ZNF423: variants seen among roughly 807,000 people sequenced by gnomAD.
ZNF423 encodes Ebf-associated zinc finger protein.
A neutral mutation model predicts 95.8 loss-of-function variants in ZNF423; 12 were observed. That is an observed-to-expected ratio of 0.13 (90% CI 0.08 to 0.20). ZNF423 has a LOEUF of 0.20. ZNF423 is among the 10% of genes least tolerant of loss of function. ZNF423 has a pLI of 1.00. For missense variants in ZNF423, 1,316 were observed against 1,737.1 expected (o/e 0.76, Z 4.31); for synonymous variants, 749 against 711.9 (o/e 1.05, Z -0.83).
At position 49,488,011 on chromosome 16, in the gene ZNF423, G is replaced by C. The variant is rs1489203623; in HGVS notation, c.*3264C>G. The C allele has an allele frequency of 3.3e-5, 5 of 152,230 alleles. No homozygotes were observed. Among genetic ancestry groups the C allele is most frequent in the Middle Eastern group, 3.2e-3 (1 of 316 alleles). The allele number at this position is 152,230 out of a possible 1,614,324, so 9.4% of individuals were successfully genotyped here. A position where few individuals can be genotyped will look rare whatever the true frequency, so the allele number is the denominator to read the frequency against. ...TGCCACTGTGGCCTCCATGAGGCCA[G>C]GGACCACATCTGCTGGTCATCTCCT... On this transcript the variant is annotated 3_prime_UTR_variant, in exon 8 of 8. Transcript: ENST00000563137.
rs925883312 is a variant in ZNF423 at position 49,488,552 on chromosome 16, A to C, written c.*2723T>G. On this transcript the variant is annotated 3_prime_UTR_variant, in exon 8 of 8. Transcript: ENST00000563137. The stretch of plus-strand genomic sequence containing the variant: ...GATTCCATCGCGCCCTCCTGGCTGA[A>C]AAGGTGCCCTCCTGCAGGATGCCTG... The C allele has an allele frequency of 1.3e-5, 2 of 152,224 alleles. No individual in the cohort carries two copies. The highest frequency in any genetic ancestry group is 2.9e-5 in the Non-Finnish European group (2 of 68,066). 9.4% of individuals were successfully genotyped at this position (152,224 alleles called of 1,614,324 possible). A position where few individuals can be genotyped will look rare whatever the true frequency, so the allele number is the denominator to read the frequency against.
At chr16:49,664,633 C>G (rs1346775632) in intron 3 of ZNF423, among the ~76,000 whole-genome samples, 1 of 126,788 alleles carries the variant, frequency 7.9e-6, no homozygotes, top group Non-Finnish European at 1.6e-5. Flanking sequence ...TCTGCCAGGA[C>G]AGGGTGGGGG....
intron 1 of ZNF423, among the ~76,000 whole-genome samples, chr16:49,794,864 T>A (rs1426111471): frequency 6.6e-6 from 1 of 152,138 alleles, no homozygotes; most frequent in Non-Finnish European, 1.5e-5. Context: ...TAGTAGCAGG[T>A]GCTCAACAAA....
Position 49,651,596 on chromosome 16 carries a change from G to C in ZNF423, c.302-12722C>G, listed in dbSNP as rs550106317. ...GACCTTAGCCAAGTGAATGACCCTT[G>C]CTCAATTTTACAGATGGAGAAACCT... is the stretch of plus-strand genomic sequence containing the variant. On this transcript the variant is annotated intron_variant, in intron 3 of 7. Coordinates refer to ENST00000563137, the MANE Select transcript of ZNF423 (RefSeq NM_001379286.1). 5.9e-5 allele frequency among the ~76,000 whole-genome samples: 9 copies of C among 152,278 alleles called. No individual in the cohort carries two copies. In the South Asian group the frequency reaches 1.0e-3, roughly 18 times the overall value.
At chr16:49,618,269 T>C (rs1347310642) in intron 5 of ZNF423, among the ~76,000 whole-genome samples, 2 of 152,216 alleles carry the variant, frequency 1.3e-5, no homozygotes, top group East Asian at 3.8e-4. Flanking sequence ...TGAAGTGTGA[T>C]AACACCTGCA....
chr16:49,853,996 G>A (rs552937926), intron 1 of ZNF423: 3 of 985,408 alleles, frequency 3.0e-6, no homozygotes, highest in Admixed American at 6.1e-5. Flanking sequence ...GGCTCCTGAA[G>A]GAGTGAGCAG....
rs1266761417 is a variant in ZNF423, at chr16:49,637,697, G to A, written c.1479C>T (p.Cys493=). 1.2e-6 allele frequency: 2 copies of A among 1,614,168 alleles called. No homozygotes were observed. Among genetic ancestry groups the A allele is most frequent in the Non-Finnish European group, 1.7e-6 (2 of 1,180,058 alleles). Residue 493 remains cysteine (C), a synonymous_variant, in exon 4 of 8, where the codon TGC becomes TGT. Transcript: ENST00000563137. This position sits in a 1 kb window ranked among gnomAD's most constrained non-coding sequence, Gnocchi z 5.6. ...GNISAFHCNY[C]PEMFADINSL... ...TATTGATGTCGGCGAACATCTCGGG[G>A]CAGTAGTTGCAGTGGAAGGCAGAGA...
chr16:49,747,152 C>A (rs2033542114), intron 2 of ZNF423, among the ~76,000 whole-genome samples: 1 of 152,152 alleles, frequency 6.6e-6, no homozygotes, highest in African/African-American at 2.4e-5. Context: ...GTATCTGCTG[C>A]AGGATGATTT....
chr16:49,511,518 G>A (rs957131835), intron 7 of ZNF423, among the ~76,000 whole-genome samples: 4 of 152,242 alleles, frequency 2.6e-5, no homozygotes, highest in African/African-American at 9.6e-5. Flanking sequence ...CATGCGTGAG[G>A]TCCTAAGAGG....
chr16:49,519,425 G>A (rs1220621210), intron 7 of ZNF423, among the ~76,000 whole-genome samples: 1 of 152,096 alleles, frequency 6.6e-6, no homozygotes, highest in South Asian at 2.1e-4. Context: ...TTCCTATCCC[G>A]CCCTCACCAA....
intron 3 of ZNF423, among the ~76,000 whole-genome samples, chr16:49,686,865 C>T (rs2031584843): frequency 2.7e-5 from 3 of 109,138 alleles, no homozygotes; most frequent in Non-Finnish European, 6.4e-5. Flanking sequence ...CCAGGCAGAA[C>T]CCCCATCATC....
intron 3 of ZNF423, among the ~76,000 whole-genome samples, chr16:49,714,707 T>C (rs1458284360): frequency 3.3e-5 from 5 of 151,546 alleles, no homozygotes; most frequent in Non-Finnish European, 5.9e-5. Context: ...GATGGGTGGA[T>C]TGCTTGAGTT....
chr16:49,746,811 A>G (rs1198227723), intron 2 of ZNF423, among the ~76,000 whole-genome samples: 1 of 152,192 alleles, frequency 6.6e-6, no homozygotes, highest in African/African-American at 2.4e-5. Flanking sequence ...GGCAAGAAGC[A>G]AAAGAACTAC....
chr16:49,730,362 A>G (rs1369793212), intron 3 of ZNF423, among the ~76,000 whole-genome samples: 2 of 152,126 alleles, frequency 1.3e-5, no homozygotes, highest in Admixed American at 6.5e-5. Context: ...AAATTTCCTC[A>G]TCCCATCAGA....
At chr16:49,683,974 G>A (rs1235949270) in intron 3 of ZNF423, among the ~76,000 whole-genome samples, 1 of 152,164 alleles carries the variant, frequency 6.6e-6, no homozygotes, top group East Asian at 1.9e-4. Flanking sequence ...GGGAGGGTGA[G>A]GCAGGAGGAT....
chr16:49,794,023 C>CTCTG (rs904781090), intron 1 of ZNF423, among the ~76,000 whole-genome samples: 3 of 27,550 alleles, frequency 1.1e-4, no homozygotes, highest in African/African-American at 3.2e-4. Context: ...CTGTCTCTGT[C>CTCTG]TCTCTCTCTC....
intron 5 of ZNF423, among the ~76,000 whole-genome samples, chr16:49,574,901 C>T (rs970211839): frequency 6.6e-6 from 1 of 152,128 alleles, no homozygotes; most frequent in Non-Finnish European, 1.5e-5. Flanking sequence ...AACATGCCAG[C>T]GGAGGAGGTG....
At chr16:49,777,063 C>T (rs982800860) in intron 2 of ZNF423, among the ~76,000 whole-genome samples, 1 of 152,168 alleles carries the variant, frequency 6.6e-6, no homozygotes, top group African/African-American at 2.4e-5. Context: ...CTCCTGTATG[C>T]ACGTATGGGT....
intron 1 of ZNF423, among the ~76,000 whole-genome samples, chr16:49,827,894 CCA>C: frequency 1.3e-5 from 2 of 152,252 alleles, no homozygotes; most frequent in Admixed American, 1.3e-4. Flanking sequence ...GCCACCATGC[CCA>C]GTCTGAATGA....
Sources: gnomAD v4.1 joint callset for allele counts (sites outside exome capture counted in the v4.1 genomes callset) on GRCh38, gnomAD v4.1.1 for gene constraint, Gnocchi (gnomAD v3.1) non-coding constraint, MANE v1.5 for transcripts, NCBI Gene and HGNC (gene_info 2026-07-23, HGNC 2026-07-21) for gene names.